CDK17: variants seen among roughly 807,000 people sequenced by gnomAD.
CDK17 encodes the protein cyclin-dependent kinase 17.
Under a neutral mutation model 77.6 loss-of-function variants are expected in CDK17, and 24 were observed. That is an observed-to-expected ratio of 0.31 (90% confidence interval 0.22 to 0.44). The LOEUF is 0.44. Ranked by LOEUF, CDK17 falls within the 20% of genes least tolerant of loss-of-function variation. CDK17 has a pLI of 1.00. For missense variants in CDK17, 429 were observed against 622.5 expected (o/e 0.69, Z 3.31); for synonymous variants, 203 against 210.4 (o/e 0.96, Z 0.30).
chr12:96,318,752 G>A (rs1005913359), intron 3 of CDK17, among the ~76,000 whole-genome samples: 69 of 146,472 alleles, frequency 4.7e-4, no homozygotes, highest in Admixed American at 1.3e-3. Context: ...TGAGACCAAC[G>A]AGAACAAAGA....
intron 11 of CDK17, among the ~76,000 whole-genome samples, chr12:96,288,353 G>C (rs1952273759): frequency 6.6e-6 from 1 of 152,108 alleles, no homozygotes; most frequent in Non-Finnish European, 1.5e-5. Context: ...ACAGAGGCTA[G>C]AGTATATTCA....
At chr12:96,391,342 T>G (rs1954064731) in intron 1 of CDK17, among the ~76,000 whole-genome samples, 2 of 151,150 alleles carry the variant, frequency 1.3e-5, no homozygotes, top group Admixed American at 6.6e-5. Flanking sequence ...CAGGTTGGAG[T>G]GCAGTGGTGT....
intron 1 of CDK17, among the ~76,000 whole-genome samples, chr12:96,349,138 G>A (rs979919933): frequency 6.6e-6 from 1 of 152,162 alleles, no homozygotes; most frequent in South Asian, 2.1e-4. Context: ...TCAAGAATGC[G>A]ACGGTGGTTC....
At chr12:96,348,523 C>CAAAAAAAAAAAAAAAAACAA (rs1953262519) in intron 1 of CDK17, among the ~76,000 whole-genome samples, 1 of 66,374 alleles carries the variant, frequency 1.5e-5, no homozygotes. Flanking sequence ...GACTCTGTCT[C>CAAAAAAAAAAAAAAAAACAA]AAAAAAAAAA....
chr12:96,343,864 A>G (rs777011785), intron 1 of CDK17, among the ~76,000 whole-genome samples: 1 of 152,230 alleles, frequency 6.6e-6, no homozygotes, highest in Non-Finnish European at 1.5e-5. Flanking sequence ...AGCATTTGAC[A>G]GAAACCTGAA....
At chr12:96,303,791 ATAAT>A (rs1408728206) in intron 5 of CDK17, among the ~76,000 whole-genome samples, 1 of 152,164 alleles carries the variant, frequency 6.6e-6, no homozygotes, top group Non-Finnish European at 1.5e-5. Context: ...ATCTAGCAAC[ATAAT>A]TACTCTATCA....
At chr12:96,344,805 T>C (rs1161268751) in intron 1 of CDK17, among the ~76,000 whole-genome samples, 4 of 152,214 alleles carry the variant, frequency 2.6e-5, no homozygotes, top group Non-Finnish European at 5.9e-5. Context: ...TTTGCTTTTC[T>C]TGTTTTTTTA....
chr12:96,307,823 C>G (rs1417822819), intron 5 of CDK17, among the ~76,000 whole-genome samples: 1 of 152,072 alleles, frequency 6.6e-6, no homozygotes, highest in Non-Finnish European at 1.5e-5. Flanking sequence ...GAGCCGAGAT[C>G]GCGCCATTGT....
chr12:96,352,510 T>C (rs763935416), intron 1 of CDK17, among the ~76,000 whole-genome samples: 2 of 152,124 alleles, frequency 1.3e-5, no homozygotes, highest in Non-Finnish European at 2.9e-5. Flanking sequence ...CTATAAAGGA[T>C]GGCGAGATTG....
chr12:96,283,778 A>G, intron 13 of CDK17, 133 bp from the exon 14 acceptor site: 1 of 573,320 alleles, frequency 1.7e-6, no homozygotes. Context: ...TTGTCTTCAA[A>G]TAGACACAAA....
intron 1 of CDK17, among the ~76,000 whole-genome samples, chr12:96,353,226 T>C (rs1446148648): frequency 2.0e-5 from 3 of 152,212 alleles, no homozygotes; most frequent in Non-Finnish European, 4.4e-5. Flanking sequence ...CATAGGCTGT[T>C]TTCCCATGAA....
intron 5 of CDK17, chr12:96,303,038 T>TA (rs894124647): frequency 3.3e-5 from 5 of 152,308 alleles, no homozygotes; most frequent in Admixed American, 1.3e-4. Context: ...AAACAGTACT[T>TA]ACTGAATCTT....
At chr12:96,393,783 C>A (rs1329126054) in intron 1 of CDK17, among the ~76,000 whole-genome samples, 1 of 152,030 alleles carries the variant, frequency 6.6e-6, no homozygotes, top group African/African-American at 2.4e-5. Context: ...CTTCTTTTTC[C>A]ACCAGAAATA....
chr12:96,320,588 T>C (rs1325092538), intron 3 of CDK17, among the ~76,000 whole-genome samples: 2 of 150,774 alleles, frequency 1.3e-5, no homozygotes, highest in African/African-American at 2.4e-5. Flanking sequence ...CAAAACAGCA[T>C]GGTACTGGTA....
chr12:96,369,806 C>T (rs1384906217), intron 1 of CDK17, among the ~76,000 whole-genome samples: 2 of 152,084 alleles, frequency 1.3e-5, no homozygotes, highest in African/African-American at 2.4e-5. Context: ...ATAGGTCTGG[C>T]GCGGTGGCTC....
In CDK17 at chr12:96,278,524, AG is replaced by A; in HGVS notation, c.*1717del. ...CCACTCGGCACAGCCTTCATCCCCA[AG>A]AAAGAACTGTGACTCAATAAAACCA... On this transcript the variant is annotated 3_prime_UTR_variant, in exon 17 of 17. Coordinates refer to ENST00000261211, the MANE Select transcript of CDK17 (RefSeq NM_002595.5). 1 of 152,708 alleles carries A rather than the reference AG, an allele frequency of 6.5e-6. No homozygotes were observed. The highest frequency in any genetic ancestry group is 6.5e-5 in the Admixed American group (1 of 15,300). 9.5% of individuals were successfully genotyped at this position (152,708 alleles called of 1,614,324 possible). A position where few individuals can be genotyped will look rare whatever the true frequency, so the allele number is the denominator to read the frequency against.
At chr12:96,381,880 G>C (rs1953889589) in intron 1 of CDK17, among the ~76,000 whole-genome samples, 1 of 151,742 alleles carries the variant, frequency 6.6e-6, no homozygotes, top group African/African-American at 2.4e-5. Context: ...CAATCCGTGG[G>C]GATAATGGGG....
At chr12:96,313,205 G>GTCAC in intron 4 of CDK17, 116 bp downstream of exon 4, 1 of 637,812 alleles carries the variant, frequency 1.6e-6, no homozygotes, top group Non-Finnish European at 2.5e-6. Context: ...TCTTACAAGT[G>GTCAC]TCACGTGTCT....
intron 1 of CDK17, among the ~76,000 whole-genome samples, chr12:96,396,026 T>C (rs147959858): frequency 1.3e-3 from 194 of 152,348 alleles, no homozygotes; most frequent in Non-Finnish European, 2.4e-3. Flanking sequence ...AAGGAGACTT[T>C]GGAGAGCAAG....
Sources: allele counts gnomAD v4.1 joint callset (sites outside exome capture counted in the v4.1 genomes callset), GRCh38; gene constraint gnomAD v4.1.1; transcripts MANE v1.5; gene names NCBI Gene and HGNC (gene_info 2026-07-23, HGNC 2026-07-21).